Variants in PPP1R10 observed in about 807,000 individuals in gnomAD.
PPP1R10 encodes the protein serine/threonine-protein phosphatase 1 regulatory subunit 10.
Under a neutral mutation model 99.0 loss-of-function variants are expected in PPP1R10, and 15 were observed. The ratio of observed to expected loss-of-function variants is 0.15; its 90% CI spans 0.10 to 0.23. The LOEUF (loss-of-function observed/expected upper bound fraction) is 0.23, where lower values mean the gene tolerates loss of function less well. Ranked by LOEUF, PPP1R10 falls within the 10% of genes least tolerant of loss-of-function variation. PPP1R10 has a pLI of 1.00. For missense variants in PPP1R10, 947 were observed against 1,259.4 expected, an observed-to-expected ratio of 0.75 and a Z score of 3.75; for synonymous variants, 430 against 449.5, an observed-to-expected ratio of 0.96 and a Z score of 0.55.
At chr6:30,613,499 C>G (rs1237955200) in intron 2 of PPP1R10, among the ~76,000 whole-genome samples, 1 of 152,160 alleles carries the variant, frequency 6.6e-6, no homozygotes, top group African/African-American at 2.4e-5. Flanking sequence ...TCAGGTGATT[C>G]ATCACAAGGT....
intron 5 of PPP1R10, among the ~76,000 whole-genome samples, chr6:30,608,364 C>T (rs368960883): frequency 2.7e-5 from 4 of 148,786 alleles, no homozygotes; most frequent in East Asian, 3.9e-4. Flanking sequence ...TGCAGTGGTG[C>T]GATCTCGGCT....
Position 30,605,013 on chromosome 6 carries a change from A to G in PPP1R10, c.935T>C (p.Leu312Pro). 3 of 1,613,046 alleles carry G rather than the reference A, an allele frequency of 1.9e-6. No individual in the cohort carries two copies. Among genetic ancestry groups the G allele is most frequent in the Non-Finnish European group, 2.5e-6 (3 of 1,180,002 alleles). ...GIKIKKKKKV[L>P]SPTAAKPSPF... ...CCATACCTTGGCAGCCGTAGGTGAC[A>G]GTACTTTTTTTTTCTTCTTAATTTT... The change falls in exon 11 of 20, where the codon CTG (leucine) becomes CCG (proline). Residue 312 changes from leucine (L) to proline (P), a missense_variant. This residue lies in a region of PPP1R10 where 26 missense variants were observed against 56.6 expected (regional missense o/e 0.46). Transcript: ENST00000376511.
At chr6:30,610,902 C>A (rs1407763267) in intron 2 of PPP1R10, among the ~76,000 whole-genome samples, 1 of 152,202 alleles carries the variant, frequency 6.6e-6, no homozygotes, top group Non-Finnish European at 1.5e-5. Flanking sequence ...AAAAGCTAAG[C>A]TCCTTTTATG....
chr6:30,605,628 A>G (rs946366755), intron 10 of PPP1R10, among the ~76,000 whole-genome samples: 1 of 152,112 alleles, frequency 6.6e-6, no homozygotes, highest in African/African-American at 2.4e-5. Flanking sequence ...TGGGAAGCTG[A>G]GGTGGGTGGA....
chr6:30,601,751 T>TGG, intron 19 of PPP1R10, 93 bp from the exon 20 acceptor site: 1 of 1,373,168 alleles, frequency 7.3e-7, no homozygotes, highest in Non-Finnish European at 1.0e-6. Flanking sequence ...GAGAACTGTC[T>TGG]TTCAGAGACA....
intron 2 of PPP1R10, among the ~76,000 whole-genome samples, chr6:30,612,218 G>A (rs1327077782): frequency 1.3e-5 from 2 of 152,140 alleles, no homozygotes; most frequent in Admixed American, 1.3e-4. Flanking sequence ...AGTTACCCTT[G>A]ACTGATTCAA....
At chr6:30,611,585 C>G (rs1209618056) in intron 2 of PPP1R10, among the ~76,000 whole-genome samples, 4 of 152,144 alleles carry the variant, frequency 2.6e-5, no homozygotes, top group African/African-American at 9.7e-5. Flanking sequence ...AAAAACATAG[C>G]ATAACAATCT....
chr6:30,601,371 C>T lies in PPP1R10; in HGVS notation c.*178G>A. 1.7e-6 allele frequency: 1 copy of T among 600,684 alleles called. No individual in the cohort carries two copies. Among genetic ancestry groups the T allele is most frequent in the East Asian group, 2.8e-5 (1 of 35,956 alleles). 37.2% of individuals were successfully genotyped at this position (600,684 alleles called of 1,614,324 possible). On this transcript the variant is annotated 3_prime_UTR_variant, in exon 20 of 20. Transcript: ENST00000376511. The stretch of plus-strand genomic sequence containing the variant: ...TCCCCAGACTGGAGGAAAATATGTA[C>T]ATCAATGCGCACCAGTGATCAGAAA...
At chr6:30,615,455 A>G (rs2127454410) in intron 2 of PPP1R10, among the ~76,000 whole-genome samples, 1 of 152,298 alleles carries the variant, frequency 6.6e-6, no homozygotes, top group Middle Eastern at 3.4e-3. Flanking sequence ...GACCCCTCTC[A>G]ACAAATAGGG....
chr6:30,615,008 A>C (rs1455639648), intron 2 of PPP1R10, among the ~76,000 whole-genome samples: 1 of 152,178 alleles, frequency 6.6e-6, no homozygotes, highest in East Asian at 1.9e-4. Flanking sequence ...GAGCTTCAAG[A>C]GGGTGGAGAG....
At chr6:30,610,365 T>G (rs1272533979) in intron 2 of PPP1R10, among the ~76,000 whole-genome samples, 5 of 152,340 alleles carry the variant, frequency 3.3e-5, no homozygotes, top group Admixed American at 3.3e-4. Context: ...GCTGATAAAT[T>G]TGGCTTGAAA....
chr6:30,607,914 A>G, intron 5 of PPP1R10, 23 bp from the exon 6 acceptor site: 1 of 1,611,720 alleles, frequency 6.2e-7, no homozygotes, highest in African/African-American at 1.3e-5. Flanking sequence ...GGAGCAGCAG[A>G]AAGGTAAATG....
In PPP1R10 at chr6:30,609,948, G is replaced by T; in HGVS notation, c.-4C>A. On this transcript the variant is annotated 5_prime_UTR_variant, in exon 3 of 20. Coordinates refer to ENST00000376511, the MANE Select transcript of PPP1R10 (RefSeq NM_002714.4). This position sits in a 1 kb window ranked among gnomAD's most constrained non-coding sequence, Gnocchi z 4.5. ...GGTCTATGGGACCCGAACCCATGAT[G>T]GTGGTTTCTATGGTAAGAGGACAAA... The T allele has an allele frequency of 2.5e-6, 4 of 1,610,810 alleles. No individual in the cohort carries two copies. Among genetic ancestry groups the T allele is most frequent in the Non-Finnish European group, 1.7e-6 (2 of 1,177,036 alleles).
chr6:30,609,055 A>C lies in PPP1R10; in HGVS notation c.194+22T>G, dbSNP rs1804273538. 6.2e-7 allele frequency: 1 copy of C among 1,613,834 alleles called. No homozygotes were observed. Among genetic ancestry groups the C allele is most frequent in the African/African-American group, 1.3e-5 (1 of 74,888 alleles). On this transcript the variant is annotated intron_variant, in intron 4 of 19. Transcript: ENST00000376511. The surrounding 1 kb of genome is among the most constrained non-coding windows in gnomAD (Gnocchi z 4.5). ...TCTTTTCGCTACACCTTCCCATTCC[A>C]ACCATCCAGATCCCCACTTACTTGA...
chr6:30,612,858 G>A (rs118048886), intron 2 of PPP1R10, among the ~76,000 whole-genome samples: 1 of 152,188 alleles, frequency 6.6e-6, no homozygotes, highest in African/African-American at 2.4e-5. Flanking sequence ...GCAGGCAGGG[G>A]CCGTGACTAA....
intron 2 of PPP1R10, among the ~76,000 whole-genome samples, chr6:30,610,882 G>T (rs1240606229): frequency 6.6e-6 from 1 of 152,162 alleles, no homozygotes; most frequent in Non-Finnish European, 1.5e-5. Flanking sequence ...GGTTGGGAAG[G>T]GAATTAGTTA....
At chr6:30,614,786 G>A (rs1760280226) in intron 2 of PPP1R10, among the ~76,000 whole-genome samples, 1 of 151,898 alleles carries the variant, frequency 6.6e-6, no homozygotes, top group Non-Finnish European at 1.5e-5. Flanking sequence ...GCTGAAGTGG[G>A]GAAAAATTAC....
chr6:30,611,197 A>G (rs909933548), intron 2 of PPP1R10, among the ~76,000 whole-genome samples: 1 of 152,166 alleles, frequency 6.6e-6, no homozygotes, highest in Non-Finnish European at 1.5e-5. Flanking sequence ...GCTACCCGGG[A>G]GGCTGACGTG....
intron 2 of PPP1R10, among the ~76,000 whole-genome samples, chr6:30,610,930 C>T (rs1804491847): frequency 6.6e-6 from 1 of 152,180 alleles, no homozygotes; most frequent in East Asian, 1.9e-4. Flanking sequence ...CAAGCCAGAA[C>T]TGAAGTTCCA....
Sources: gnomAD v4.1 joint callset for allele counts (sites outside exome capture counted in the v4.1 genomes callset) on GRCh38, gnomAD v4.1.1 for gene constraint, gnomAD v4.1.1 regional missense constraint, Gnocchi (gnomAD v3.1) non-coding constraint, MANE v1.5 for transcripts, NCBI Gene and HGNC (gene_info 2026-07-23, HGNC 2026-07-21) for gene names.